Variants in TENM2 observed in about 807,000 individuals in gnomAD.
TENM2 encodes teneurin-2.
TENM2 carries 52 observed loss-of-function variants against 245.2 expected under a neutral mutation model. That is an observed-to-expected ratio of 0.21 (90% confidence interval 0.17 to 0.27). The LOEUF is 0.27. Ranked by LOEUF, TENM2 falls within the 10% of genes least tolerant of loss-of-function variation. TENM2 has a pLI of 1.00. For missense variants in TENM2, 3,046 were observed against 3,666.8 expected, an observed-to-expected ratio of 0.83 and a Z score of 4.37; for synonymous variants, 1,363 against 1,438.9, an observed-to-expected ratio of 0.95 and a Z score of 1.19.
At chr5:167,224,776 A>C in the TENM2 span, among the ~76,000 whole-genome samples, 1 of 152,008 alleles carries the variant, frequency 6.6e-6, no homozygotes, top group Non-Finnish European at 1.5e-5. Context: ...CATTGAATCT[A>C]TAGACTGCTT....
At chr5:167,249,965 A>G in the TENM2 span, among the ~76,000 whole-genome samples, 5 of 152,290 alleles carry the variant, frequency 3.3e-5, no homozygotes, top group East Asian at 9.7e-4. Context: ...TAAGTAAACG[A>G]TTAAATGGTA....
chr5:167,606,803 A>G (rs192080414), intron 2 of TENM2, among the ~76,000 whole-genome samples: 24 of 152,344 alleles, frequency 1.6e-4, no homozygotes, highest in South Asian at 6.2e-4. Context: ...GTTACAAACT[A>G]TGCTGAAGAT....
intron 2 of TENM2, among the ~76,000 whole-genome samples, chr5:167,776,161 C>CCACACA (rs66740766): frequency 0.044 from 5,912 of 132,920 alleles, 270 homozygotes; most frequent in East Asian, 0.14. Flanking sequence ...AAAAAAAAAT[C>CCACACA]CACACACACA....
At chr5:168,015,139 C>G (rs1562053418) in intron 5 of TENM2, among the ~76,000 whole-genome samples, 1 of 152,240 alleles carries the variant, frequency 6.6e-6, no homozygotes, top group Non-Finnish European at 1.5e-5. Flanking sequence ...GCTGCTTCCT[C>G]TCAAGTAAAG....
At chr5:167,682,002 GCA>G (rs1756742829) in intron 2 of TENM2, among the ~76,000 whole-genome samples, 1 of 151,738 alleles carries the variant, frequency 6.6e-6, no homozygotes, top group Non-Finnish European at 1.5e-5. Context: ...GAGAAAAAAA[GCA>G]CACACACAAA....
intron 2 of TENM2, among the ~76,000 whole-genome samples, chr5:167,706,785 C>T (rs561149368): frequency 6.5e-4 from 98 of 151,898 alleles, no homozygotes; most frequent in African/African-American, 1.9e-3. Flanking sequence ...GAGGCCGAGG[C>T]GGGTGGATCA....
intron 2 of TENM2, among the ~76,000 whole-genome samples, chr5:167,816,595 T>G (rs1767075396): frequency 6.6e-6 from 1 of 152,170 alleles, no homozygotes; most frequent in Non-Finnish European, 1.5e-5. Flanking sequence ...GTTTCTCAAT[T>G]CTGCCGCCAG....
chr5:167,950,830 T>G (rs864788), intron 3 of TENM2, among the ~76,000 whole-genome samples: 1 of 151,974 alleles, frequency 6.6e-6, no homozygotes, highest in East Asian at 1.9e-4. Flanking sequence ...TATGAAACTC[T>G]CCCAAAGATA....
intron 3 of TENM2, among the ~76,000 whole-genome samples, chr5:167,945,695 G>A (rs1029571764): frequency 3.9e-5 from 6 of 152,060 alleles, no homozygotes; most frequent in Non-Finnish European, 8.8e-5. Context: ...GAATGCATTC[G>A]GAATGTTTTT....
intron 1 of TENM2, among the ~76,000 whole-genome samples, chr5:167,329,836 A>G (rs1022275273): frequency 3.9e-5 from 6 of 152,202 alleles, no homozygotes; most frequent in African/African-American, 1.4e-4. Context: ...ATTTAAAGAC[A>G]TTCTTTCTCA....
At chr5:168,245,562 G>C (rs1766478362) in intron 26 of TENM2, among the ~76,000 whole-genome samples, 1 of 139,076 alleles carries the variant, frequency 7.2e-6, no homozygotes, top group Non-Finnish European at 1.6e-5. Context: ...AGGTCAGGTT[G>C]GAGTGGCGGT....
At chr5:167,496,902 G>A (rs868669643) in intron 2 of TENM2, among the ~76,000 whole-genome samples, 1 of 152,022 alleles carries the variant, frequency 6.6e-6, no homozygotes, top group Non-Finnish European at 1.5e-5. Flanking sequence ...AAGCACATCA[G>A]TTGCAGGTTT....
chr5:168,006,763 G>A (rs1000768760), intron 5 of TENM2, among the ~76,000 whole-genome samples: 1 of 152,164 alleles, frequency 6.6e-6, no homozygotes, highest in Admixed American at 6.5e-5. Flanking sequence ...AAACAGTGAC[G>A]TGCTGCCTGA....
chr5:167,264,791 C>T, the TENM2 span, among the ~76,000 whole-genome samples: 1 of 152,128 alleles, frequency 6.6e-6, no homozygotes, highest in Non-Finnish European at 1.5e-5. Context: ...ACTTTACACA[C>T]TTCGGGCATT....
intron 2 of TENM2, among the ~76,000 whole-genome samples, chr5:167,738,010 C>T (rs1489939017): frequency 3.3e-5 from 5 of 152,218 alleles, no homozygotes; most frequent in Non-Finnish European, 7.3e-5. Context: ...TGTTAATCAA[C>T]CCTTCCATGC....
intron 2 of TENM2, among the ~76,000 whole-genome samples, chr5:167,472,633 C>T (rs1035994951): frequency 2.0e-5 from 3 of 152,158 alleles, no homozygotes; most frequent in Admixed American, 6.6e-5. Flanking sequence ...GTAATGGCTT[C>T]TTCCCTTTCC....
intron 2 of TENM2, among the ~76,000 whole-genome samples, chr5:167,431,970 T>TATATATATACAC (rs199737580): frequency 7.4e-6 from 1 of 135,528 alleles, no homozygotes; most frequent in Non-Finnish European, 1.6e-5. Flanking sequence ...TGTATATATA[T>TATATATATACAC]ATATATATGG....
chr5:168,098,131 T>A lies in TENM2; in HGVS notation c.1813+4T>A. The A allele has an allele frequency of 6.2e-7, 1 of 1,607,506 alleles. No homozygotes were observed. Among genetic ancestry groups the A allele is most frequent in the South Asian group, 1.1e-5 (1 of 90,584 alleles). On this transcript the variant is annotated splice_donor_region_variant and intron_variant, in intron 9 of 28. Coordinates refer to ENST00000518659, the Ensembl canonical transcript of TENM2. Reference sequence around the variant, plus strand: ...CTAGGAGCAGACTGTGCTAAAGGTATGTGCCGCCACTTCCCTGCTATGGTT... The same window carrying A: ...CTAGGAGCAGACTGTGCTAAAGGTAAGTGCCGCCACTTCCCTGCTATGGTT...
chr5:167,380,520 T>C (rs1761036286), intron 2 of TENM2, among the ~76,000 whole-genome samples: 1 of 152,186 alleles, frequency 6.6e-6, no homozygotes, highest in Non-Finnish European at 1.5e-5. Context: ...TTTAGTGGCA[T>C]GGTCTTTAGT....
Sources: gnomAD v4.1 joint callset for allele counts (sites outside exome capture counted in the v4.1 genomes callset) on GRCh38, gnomAD v4.1.1 for gene constraint, MANE v1.5 for transcripts, NCBI Gene and HGNC (gene_info 2026-07-23, HGNC 2026-07-21) for gene names.